The following LACTB2 variants were observed in gnomAD, a reference collection of about 807,000 sequenced individuals.
LACTB2 encodes the protein endoribonuclease LACTB2.
A neutral mutation model predicts 34.8 loss-of-function variants in LACTB2; 32 were observed. The observed-to-expected ratio is 0.92, with a 90% confidence interval of 0.69 to 1.24. The LOEUF (loss-of-function observed/expected upper bound fraction) is 1.24. Among genes scored for constraint, LACTB2 ranks in the 50% most tolerant of loss-of-function variants. LACTB2 has a pLI of 0.00. For missense variants in LACTB2, 320 were observed against 345.0 expected (o/e 0.93, Z 0.57); for synonymous variants, 120 against 117.5 (o/e 1.02, Z -0.14).
At chr8:70,640,231 G>A (rs34418116) in intron 5 of LACTB2, among the ~76,000 whole-genome samples, 18,447 of 152,168 alleles carry the variant, frequency 0.12, 1,331 homozygotes, top group African/African-American at 0.2. Flanking sequence ...AAAATACTGG[G>A]ATTACAGGGG....
intron 4 of LACTB2, 86 bp downstream of exon 4, chr8:70,643,979 G>C: frequency 7.7e-7 from 1 of 1,303,998 alleles, no homozygotes; most frequent in Non-Finnish European, 9.9e-7. Context: ...TTGAGGTCAG[G>C]AGTTTGAGAA....
chr8:70,649,926 T>A (rs1479430146), intron 3 of LACTB2, among the ~76,000 whole-genome samples: 1 of 152,220 alleles, frequency 6.6e-6, no homozygotes, highest in Non-Finnish European at 1.5e-5. Context: ...CAAGTTTGGA[T>A]TTTAGATTCT....
intron 1 of LACTB2, among the ~76,000 whole-genome samples, chr8:70,665,609 C>T (rs190565023): frequency 7.6e-4 from 116 of 152,210 alleles, no homozygotes; most frequent in Admixed American, 1.2e-3. Flanking sequence ...TTTTCATATA[C>T]GTTTTTTCAC....
At position 70,644,117 on chromosome 8, in the gene LACTB2, A is replaced by G. The variant is rs761633916; in HGVS notation, c.540T>C (p.Tyr180=). ...TCAATAACTCTTTTAAAGAGTTCAT[A>G]TAATCATAGAGGTCTTCAAATACCG... ...GTTVFEDLYD[Y]MNSLKELLKI... Residue 180 remains tyrosine (Y), a synonymous_variant, in exon 4 of 7, where the codon TAT becomes TAC. Transcript: ENST00000276590. 2.5e-6 allele frequency: 4 copies of G among 1,608,318 alleles called. No individual in the cohort carries two copies. Among genetic ancestry groups the G allele is most frequent in the South Asian group, 1.1e-5 (1 of 89,504 alleles).
intron 1 of LACTB2, among the ~76,000 whole-genome samples, chr8:70,668,748 G>GTTTTTTTTTTTGTTTTTTTTTTTTTT: frequency 9.6e-6 from 1 of 103,722 alleles, no homozygotes; most frequent in South Asian, 4.8e-4. Context: ...CAAAACAGAA[G>GTTTTTTTTTTTGTTTTTTTTTTTTTT]TTTTTTTTTT....
At chr8:70,650,523 A>G (rs1201676831) in intron 3 of LACTB2, among the ~76,000 whole-genome samples, 1 of 152,120 alleles carries the variant, frequency 6.6e-6, no homozygotes, top group Non-Finnish European at 1.5e-5. Context: ...TGAGGTCAGG[A>G]GTTCGAGATC....
chr8:70,640,863 A>C, intron 5 of LACTB2, 39 bp downstream of exon 5: 1 of 1,510,670 alleles, frequency 6.6e-7, no homozygotes. Context: ...AATTCTAATA[A>C]ATTTGTGGCT....
intron 2 of LACTB2, chr8:70,661,420 A>C: frequency 1.1e-5 from 3 of 282,446 alleles, no homozygotes; most frequent in Non-Finnish European, 2.0e-5. Context: ...CACCTACCTC[A>C]CAGTATCCAC....
chr8:70,660,382 C>A, intron 2 of LACTB2: 2 of 353,606 alleles, frequency 5.7e-6, no homozygotes, highest in Non-Finnish European at 5.5e-6. Flanking sequence ...GGTACACAGT[C>A]CCCTTAGATT....
chr8:70,639,028 G>T (rs1818160672), intron 5 of LACTB2, among the ~76,000 whole-genome samples: 1 of 150,522 alleles, frequency 6.6e-6, no homozygotes. Context: ...GTGAGCCACT[G>T]CGCCTGGCCT....
chr8:70,668,070 G>T (rs1017498149), intron 1 of LACTB2, among the ~76,000 whole-genome samples: 2 of 152,108 alleles, frequency 1.3e-5, no homozygotes, highest in African/African-American at 4.8e-5. Flanking sequence ...TCTTTTACCT[G>T]CCCACTTTGC....
chr8:70,649,392 ACCC>A (rs1818309243), intron 3 of LACTB2, among the ~76,000 whole-genome samples: 1 of 152,158 alleles, frequency 6.6e-6, no homozygotes, highest in African/African-American at 2.4e-5. Flanking sequence ...GCATTTAAAC[ACCC>A]TAAGGGAAGA....
chr8:70,662,098 T>C (rs1818487602), intron 1 of LACTB2: 1 of 467,512 alleles, frequency 2.1e-6, no homozygotes. Flanking sequence ...GAGCTAAATA[T>C]AAGTCTGAAC....
chr8:70,645,805 C>T lies in LACTB2; in HGVS notation c.414-1562G>A, dbSNP rs544173818. Reference sequence around the variant, plus strand: ...TGATGGTTTCCAGCTTCATCCATGTCCCTACAAAGGACATGAACTCATCAT... The same window carrying T: ...TGATGGTTTCCAGCTTCATCCATGTTCCTACAAAGGACATGAACTCATCAT... On this transcript the variant is annotated intron_variant, in intron 3 of 6. Coordinates refer to ENST00000276590, the MANE Select transcript of LACTB2 (RefSeq NM_016027.3). 9.9e-3 allele frequency among the ~76,000 whole-genome samples: 1,508 copies of T among 152,030 alleles called. 21 individuals are homozygous for T. Among genetic ancestry groups the T allele is most frequent in the African/African-American group, 0.034 (1,428 of 41,466 alleles).
chr8:70,669,072 G>A lies in LACTB2; in HGVS notation c.49C>T (p.Arg17Cys), dbSNP rs1306760172. The change falls in exon 1 of 7, where the codon CGT becomes TGT. Residue 17 changes from arginine to cysteine, a missense_variant. Transcript: ENST00000276590. Reference protein sequence around the residue: ...RVERLSNRVVRVLGCNPGPMT... With the variant: ...RVERLSNRVVCVLGCNPGPMT... ...GGACCCGGGTTACAGCCCAACACAC[G>A]CACGACTCGATTGGACAGCCGCTCG... 6.2e-7 allele frequency: 1 copy of A among 1,612,800 alleles called. No individual in the cohort carries two copies. The highest frequency in any genetic ancestry group is 8.5e-7 in the Non-Finnish European group (1 of 1,179,600).
chr8:70,653,289 T>C (rs1481269892), intron 3 of LACTB2, among the ~76,000 whole-genome samples: 2 of 152,092 alleles, frequency 1.3e-5, no homozygotes, highest in Admixed American at 6.6e-5. Context: ...TTTTTTGTAT[T>C]TTTGGTAGAG....
chr8:70,637,839 A>G lies in LACTB2; in HGVS notation c.*21T>C. 6.6e-7 allele frequency: 1 copy of G among 1,506,656 alleles called. No homozygotes were observed. Among genetic ancestry groups the G allele is most frequent in the Non-Finnish European group, 9.0e-7 (1 of 1,110,864 alleles). 93.3% of individuals were successfully genotyped at this position (1,506,656 alleles called of 1,614,324 possible). A position where few individuals can be genotyped will look rare whatever the true frequency, so the allele number is the denominator to read the frequency against. On this transcript the variant is annotated 3_prime_UTR_variant, in exon 7 of 7. Coordinates refer to ENST00000276590, the MANE Select transcript of LACTB2 (RefSeq NM_016027.3). ...CCATTCTCTGAAAGCAAAATAAAAC[A>G]AAGCTTTCTTTAATCTGAAACTAAA... is the stretch of plus-strand genomic sequence containing the variant.
rs781397269 is a variant in LACTB2 at position 70,669,092 on chromosome 8, C to T, written c.29G>A (p.Arg10Gln). 1.5e-5 allele frequency: 24 copies of T among 1,611,738 alleles called. No homozygotes were observed. The highest frequency in any genetic ancestry group is 7.7e-5 in the South Asian group (7 of 90,610). Residue 10 changes from arginine (R) to glutamine (Q), a missense_variant, in exon 1 of 7, where the codon CGG (arginine) becomes CAG (glutamine). Transcript: ENST00000276590. ...CACACGCACGACTCGATTGGACAGC[C>T]GCTCGACGCGCTGCAGTACAGCAGC... is the stretch of plus-strand genomic sequence containing the variant. MAAVLQRVE[R>Q]LSNRVVRVLG...
intron 3 of LACTB2, among the ~76,000 whole-genome samples, chr8:70,649,802 T>G (rs1198621112): frequency 6.6e-6 from 1 of 152,170 alleles, no homozygotes; most frequent in African/African-American, 2.4e-5. Context: ...AGCTAATCAT[T>G]TGTGTCATTT....
Sources: gnomAD v4.1 joint callset for allele counts (sites outside exome capture counted in the v4.1 genomes callset) on GRCh38, gnomAD v4.1.1 for gene constraint, MANE v1.5 for transcripts, NCBI Gene and HGNC (gene_info 2026-07-23, HGNC 2026-07-21) for gene names.